Variants in MARCHF6 observed in about 807,000 individuals in gnomAD.
MARCHF6 encodes the protein membrane associated ring-CH-type finger 6, also known as E3 ubiquitin-protein ligase MARCHF6.
MARCHF6 carries 31 observed loss-of-function variants against 133.7 expected under a neutral mutation model. That is an observed-to-expected ratio of 0.23 (90% confidence interval 0.17 to 0.31). MARCHF6 has a LOEUF of 0.31. Ranked by LOEUF, MARCHF6 falls within the 10% of genes least tolerant of loss-of-function variation. The pLI, the probability that MARCHF6 is intolerant of heterozygous loss-of-function variation, is 1.00. For synonymous variants in MARCHF6, 395 were observed against 402.5 expected, an observed-to-expected ratio of 0.98 and a Z score of 0.22; for missense variants, 723 against 1,121.6, an observed-to-expected ratio of 0.64 and a Z score of 5.08.
At position 10,390,510 on chromosome 5, in the gene MARCHF6, C is replaced by G; in HGVS notation, c.576+10C>G. On this transcript the variant is annotated intron_variant, in intron 6 of 25. Transcript: ENST00000274140. The stretch of plus-strand genomic sequence containing the variant: ...GCATCACCAAAATGAGGTAACTCCC[C>G]TACCCCAAAATTGATTTTACTTAGG... 1 of 1,609,752 alleles carries G rather than the reference C, an allele frequency of 6.2e-7. No individual in the cohort carries two copies. Among genetic ancestry groups the G allele is most frequent in the African/African-American group, 1.3e-5 (1 of 74,754 alleles).
Position 10,439,001 on chromosome 5 carries a change from C to T in MARCHF6, c.*5317C>T, listed in dbSNP as rs1418380833. The T allele has an allele frequency of 2.0e-5, 3 of 152,252 alleles. No homozygotes were observed. The highest frequency in any genetic ancestry group is 1.9e-4 in the East Asian group (1 of 5,188). 9.4% of individuals were successfully genotyped at this position (152,252 alleles called of 1,614,324 possible). ...CTTTTCTTCACATATGTAACAGTGCCGGAGTTTTTCTGCTTCTCTGTGTTT... is the reference window on the plus strand; with the variant it reads ...CTTTTCTTCACATATGTAACAGTGCTGGAGTTTTTCTGCTTCTCTGTGTTT... On this transcript the variant is annotated 3_prime_UTR_variant, in exon 26 of 26. Coordinates refer to ENST00000274140, the MANE Select transcript of MARCHF6 (RefSeq NM_005885.4).
rs1453209268 is a variant in MARCHF6 at position 10,435,157 on chromosome 5, A to AT, written c.*1479dup. 1.3e-5 allele frequency: 2 copies of AT among 152,632 alleles called. No individual in the cohort carries two copies. Among genetic ancestry groups the AT allele is most frequent in the South Asian group, 2.1e-4 (1 of 4,832 alleles). The allele number at this position is 152,632 out of a possible 1,614,324, so 9.5% of individuals were successfully genotyped here. ...AAAATCCATAGACTAAAATCTGAGA[A>AT]TTTTTTAACATATGCAAGTCAGCCA... On this transcript the variant is annotated 3_prime_UTR_variant, in exon 26 of 26. Transcript: ENST00000274140.
At chr5:10,360,095 T>G (rs72740437) in intron 1 of MARCHF6, among the ~76,000 whole-genome samples, 32,259 of 150,846 alleles carry the variant, frequency 0.21, 4,546 homozygotes, top group Non-Finnish European at 0.32. Flanking sequence ...AGGCTGTTAG[T>G]AGTTTTCCAT....
intron 1 of MARCHF6, among the ~76,000 whole-genome samples, chr5:10,361,683 C>T (rs371404011): frequency 6.6e-6 from 1 of 152,210 alleles, no homozygotes; most frequent in East Asian, 1.9e-4. Flanking sequence ...CAATTCAGCC[C>T]ATGATAGACA....
At chr5:10,398,674 C>T (rs1431323395) in intron 10 of MARCHF6, among the ~76,000 whole-genome samples, 3 of 151,404 alleles carry the variant, frequency 2.0e-5, no homozygotes, top group Non-Finnish European at 4.4e-5. Context: ...GTTTGGAGAA[C>T]CAGGTCACAT....
At chr5:10,359,234 A>G (rs1735663692) in intron 1 of MARCHF6, among the ~76,000 whole-genome samples, 1 of 152,230 alleles carries the variant, frequency 6.6e-6, no homozygotes, top group African/African-American at 2.4e-5. Context: ...CATTATGAAG[A>G]AAAAGTCGAA....
chr5:10,433,535 T>C lies in MARCHF6; in HGVS notation c.2643-59T>C, dbSNP rs1008856927. 10 of 1,278,374 alleles carry C rather than the reference T, an allele frequency of 7.8e-6. No homozygotes were observed. In the African/African-American group the frequency reaches 1.0e-4, roughly 13 times the overall value. 79.2% of individuals were successfully genotyped at this position (1,278,374 alleles called of 1,614,324 possible). On this transcript the variant is annotated intron_variant, in intron 25 of 25. Transcript: ENST00000274140. ...TAGGAGTTAGATTTAAAAAGACATATGAATGTTTTACTCTGTACATTCATA... is the reference window on the plus strand; with the variant it reads ...TAGGAGTTAGATTTAAAAAGACATACGAATGTTTTACTCTGTACATTCATA...
intron 11 of MARCHF6, 59 bp from the exon 12 acceptor site, chr5:10,402,000 A>G (rs1490731351): frequency 1.0e-6 from 1 of 970,926 alleles, no homozygotes; most frequent in Non-Finnish European, 1.7e-6. Context: ...AATATGGGAA[A>G]ACCGGGGTGT....
At chr5:10,375,803 C>T (rs920003066) in intron 1 of MARCHF6, among the ~76,000 whole-genome samples, 1 of 151,702 alleles carries the variant, frequency 6.6e-6, no homozygotes, top group African/African-American at 2.4e-5. Flanking sequence ...ATACACCAAT[C>T]GGCACTCTGT....
At chr5:10,426,273 GAAGT>G in intron 23 of MARCHF6, 113 bp from the exon 24 acceptor site, 1 of 1,174,078 alleles carries the variant, frequency 8.5e-7, no homozygotes. Context: ...GACTTTAGAA[GAAGT>G]AACCAGTTTG....
intron 7 of MARCHF6, among the ~76,000 whole-genome samples, chr5:10,392,282 A>G (rs1402834656): frequency 1.3e-5 from 2 of 152,172 alleles, no homozygotes; most frequent in East Asian, 3.8e-4. Context: ...AATAGGATAG[A>G]TAGGAAGAAA....
intron 4 of MARCHF6, among the ~76,000 whole-genome samples, chr5:10,383,989 A>C (rs1737317470): frequency 6.6e-6 from 1 of 152,234 alleles, no homozygotes; most frequent in Non-Finnish European, 1.5e-5. Context: ...AACTACCCAG[A>C]ACTGGACTCA....
intron 21 of MARCHF6, among the ~76,000 whole-genome samples, 200 bp from the exon 22 acceptor site, chr5:10,417,070 A>G (rs1354222113): frequency 6.6e-6 from 1 of 152,222 alleles, no homozygotes; most frequent in African/African-American, 2.4e-5. Flanking sequence ...TGTGAGAAAA[A>G]AACAGCCCAG....
intron 1 of MARCHF6, among the ~76,000 whole-genome samples, chr5:10,364,094 A>G (rs916474187): frequency 1.3e-5 from 2 of 152,236 alleles, no homozygotes; most frequent in African/African-American, 4.8e-5. Flanking sequence ...ACTTTATGAC[A>G]TATATCTGAA....
intron 15 of MARCHF6, among the ~76,000 whole-genome samples, chr5:10,404,076 T>TTAC (rs1554023553): frequency 8.1e-4 from 111 of 136,320 alleles, no homozygotes; most frequent in South Asian, 2.8e-3. Flanking sequence ...TATTTATTTA[T>TTAC]TTACTTATTT....
intron 22 of MARCHF6, 79 bp downstream of exon 22, chr5:10,417,483 A>T: frequency 1.3e-6 from 2 of 1,565,114 alleles, no homozygotes; most frequent in Non-Finnish European, 1.7e-6. Flanking sequence ...CATGGGGCTT[A>T]CGCCTATAAT....
intron 1 of MARCHF6, among the ~76,000 whole-genome samples, chr5:10,365,293 A>AATT (rs916041154): frequency 2.1e-4 from 32 of 151,380 alleles, no homozygotes; most frequent in African/African-American, 5.3e-4. Context: ...AGAGAATTGG[A>AATT]ATTATTATTA....
chr5:10,380,949 A>ATTTGTCAG (rs1342458368), intron 3 of MARCHF6, among the ~76,000 whole-genome samples: 1 of 150,594 alleles, frequency 6.6e-6, no homozygotes, highest in African/African-American at 2.4e-5. Context: ...AAAAGGTGCT[A>ATTTGTCAG]TTTGTCAGTT....
intron 1 of MARCHF6, among the ~76,000 whole-genome samples, chr5:10,377,473 CTGATTTTACATATTTTTATTATTT>C (rs1403647319): frequency 6.6e-6 from 1 of 152,158 alleles, no homozygotes; most frequent in Non-Finnish European, 1.5e-5. Flanking sequence ...TAATGGTGAC[CTGATTTTACATATTTTTATTATTT>C]GTTGTGGAGA....
Sources: allele counts gnomAD v4.1 joint callset (sites outside exome capture counted in the v4.1 genomes callset), GRCh38; gene constraint gnomAD v4.1.1; transcripts MANE v1.5; gene names NCBI Gene and HGNC (gene_info 2026-07-23, HGNC 2026-07-21).